The following SEMA3D variants were observed in gnomAD, a reference collection of about 807,000 sequenced individuals.
SEMA3D encodes semaphorin 3D, also known as semaphorin-3D.
Under a neutral mutation model 100.1 loss-of-function variants are expected in SEMA3D, and 84 were observed. That is an observed-to-expected ratio of 0.84 (90% confidence interval 0.70 to 1.01). The LOEUF is 1.01. Ranked by LOEUF, SEMA3D falls within the 50% of genes least tolerant of loss-of-function variation. The probability of loss-of-function intolerance (pLI) is 0.00; values close to 1 mark genes in which losing one functional copy is unlikely to be tolerated. For synonymous variants in SEMA3D, 312 were observed against 320.7 expected (o/e 0.97, Z 0.29); for missense variants, 875 against 934.1 (o/e 0.94, Z 0.82).
the SEMA3D span, among the ~76,000 whole-genome samples, chr7:85,228,127 C>G: frequency 6.6e-6 from 1 of 152,126 alleles, no homozygotes; most frequent in Non-Finnish European, 1.5e-5. Context: ...ACACATCTCT[C>G]TTAAAACTGT....
chr7:85,039,309 G>A (rs553951445), intron 11 of SEMA3D, among the ~76,000 whole-genome samples: 5 of 152,166 alleles, frequency 3.3e-5, no homozygotes, highest in East Asian at 1.9e-4. Flanking sequence ...TCTTGTTGCC[G>A]GGGCTGGAGT....
chr7:85,231,006 A>G, the SEMA3D span, among the ~76,000 whole-genome samples: 1 of 152,220 alleles, frequency 6.6e-6, no homozygotes. Context: ...GTAATAGTTT[A>G]CACTTTCTTG....
intron 8 of SEMA3D, among the ~76,000 whole-genome samples, chr7:85,062,530 G>A (rs73377866): frequency 0.085 from 12,976 of 152,102 alleles, 1,833 homozygotes; most frequent in African/African-American, 0.29. Flanking sequence ...GATGAAGTTA[G>A]GAAAGTTAAA....
chr7:85,086,749 A>C (rs912167927), intron 4 of SEMA3D, among the ~76,000 whole-genome samples: 1 of 151,772 alleles, frequency 6.6e-6, no homozygotes, highest in Non-Finnish European at 1.5e-5. Flanking sequence ...AGAGATGTCA[A>C]CTATAGGGTC....
chr7:85,033,211 C>CTA (rs1380801146), intron 12 of SEMA3D, among the ~76,000 whole-genome samples: 1 of 152,084 alleles, frequency 6.6e-6, no homozygotes, highest in African/African-American at 2.4e-5. Context: ...AGCATAAAGA[C>CTA]TATATTCTGA....
chr7:85,057,710 A>C (rs1583879905), intron 8 of SEMA3D, among the ~76,000 whole-genome samples: 1 of 152,256 alleles, frequency 6.6e-6, no homozygotes, highest in Admixed American at 6.5e-5. Flanking sequence ...AGGCGGGTGG[A>C]TCACTTGAGG....
chr7:85,241,766 C>T, the SEMA3D span, among the ~76,000 whole-genome samples: 5 of 151,514 alleles, frequency 3.3e-5, no homozygotes, highest in South Asian at 4.2e-4. Context: ...CACAAAATCA[C>T]CACCAAATAA....
At chr7:85,070,942 G>A (rs1262957097) in intron 6 of SEMA3D, among the ~76,000 whole-genome samples, 1 of 152,032 alleles carries the variant, frequency 6.6e-6, no homozygotes, top group Admixed American at 6.5e-5. Context: ...CACCACGCTC[G>A]GCTACATTTG....
the SEMA3D span, among the ~76,000 whole-genome samples, chr7:85,211,364 T>C: frequency 2.0e-5 from 3 of 152,034 alleles, no homozygotes; most frequent in Admixed American, 1.3e-4. Flanking sequence ...CTTTTGTTGA[T>C]ATGTATTTTA....
intron 18 of SEMA3D, among the ~76,000 whole-genome samples, chr7:85,005,704 G>T (rs1274444325): frequency 6.6e-6 from 1 of 151,880 alleles, no homozygotes; most frequent in East Asian, 1.9e-4. Context: ...GAGGGACTGT[G>T]CATTGTAGGA....
intron 18 of SEMA3D, among the ~76,000 whole-genome samples, chr7:85,006,579 T>TA (rs1789801275): frequency 6.6e-6 from 1 of 152,068 alleles, no homozygotes; most frequent in East Asian, 1.9e-4. Flanking sequence ...TAAATTTCTT[T>TA]AAAAAAATCA....
chr7:85,235,606 T>C, the SEMA3D span, among the ~76,000 whole-genome samples: 13 of 152,296 alleles, frequency 8.5e-5, no homozygotes, highest in African/African-American at 1.9e-4. Context: ...TTGGAGCTAA[T>C]TGAAATGGTA....
chr7:85,022,312 A>C (rs1292184405), intron 13 of SEMA3D, 79 bp downstream of exon 13: 2 of 924,588 alleles, frequency 2.2e-6, no homozygotes, highest in Non-Finnish European at 3.5e-6. Context: ...TGACCAATAA[A>C]TATTTTTGAA....
Position 84,999,799 on chromosome 7 carries a change from C to A in SEMA3D, c.1975G>T (p.Asp659Tyr), listed in dbSNP as rs1377574652. ...GLLIRSLQKK[D>Y]SGMYYCKAQE... Reference sequence around the variant, plus strand: ...GCTTTGCAGTAATACATCCCAGAATCCTTCTTCTGCAAACTTCGAATCAGT... The same window carrying A: ...GCTTTGCAGTAATACATCCCAGAATACTTCTTCTGCAAACTTCGAATCAGT... Residue 659 changes from aspartate (D) to tyrosine (Y), a missense_variant, in exon 19 of 19, where the codon GAT becomes TAT. Transcript: ENST00000284136. 2 of 1,613,888 alleles carry A rather than the reference C, an allele frequency of 1.2e-6. No homozygotes were observed. The highest frequency in any genetic ancestry group is 4.5e-5 in the East Asian group (2 of 44,872).
At chr7:85,165,154 A>ATG (rs1402126032) in intron 1 of SEMA3D, among the ~76,000 whole-genome samples, 2 of 152,038 alleles carry the variant, frequency 1.3e-5, no homozygotes, top group Non-Finnish European at 2.9e-5. Flanking sequence ...AACATGGCAC[A>ATG]TGTATACATG....
the SEMA3D span, among the ~76,000 whole-genome samples, chr7:85,249,599 T>C: frequency 1.3e-5 from 2 of 152,192 alleles, no homozygotes; most frequent in African/African-American, 4.8e-5. Context: ...TAACTGATGA[T>C]CAATTAAAAA....
Position 84,995,958 on chromosome 7 carries a change from T to C in SEMA3D, c.*3482A>G, listed in dbSNP as rs893994164. ...TACTATGATAAAAATACATCTCCTA[T>C]AAAAACACTTCAAATATCTTTTTTT... On this transcript the variant is annotated 3_prime_UTR_variant, in exon 19 of 19. Transcript: ENST00000284136. 6.6e-6 allele frequency: 1 copy of C among 151,740 alleles called. No individual in the cohort carries two copies. Among genetic ancestry groups the C allele is most frequent in the African/African-American group, 2.4e-5 (1 of 41,366 alleles). The allele number at this position is 151,740 out of a possible 1,614,324, so 9.4% of individuals were successfully genotyped here.
At chr7:85,142,524 A>G in intron 2 of SEMA3D, 1 of 983,620 alleles carries the variant, frequency 1.0e-6, no homozygotes, top group Non-Finnish European at 1.2e-6. Context: ...TCTCCATGGT[A>G]ATATGGTATT....
rs997342844 is a variant in SEMA3D at position 85,097,878 on chromosome 7, C to T, written c.239G>A (p.Gly80Asp). The change falls in exon 4 of 19, where the codon GGC becomes GAC. Residue 80 changes from glycine (G) to aspartate (D), a missense_variant. Gly to Asp is a moderately conservative substitution (Grantham distance 94). Coordinates refer to ENST00000284136, the MANE Select transcript of SEMA3D (RefSeq NM_001384900.1). ...GTCTTTGGCTCCCAAGAGCAGCCTG[C>T]CTCTTTCCTCATCTAAGAGAAGAGT... ...FQTLLLDEER[G>D]RLLLGAKDHI... 1.9e-6 allele frequency: 3 copies of T among 1,608,934 alleles called. No homozygotes were observed. The African/African-American group carries it at 4.0e-5, about 22-fold the overall frequency.
Sources: allele counts gnomAD v4.1 joint callset (sites outside exome capture counted in the v4.1 genomes callset), GRCh38; gene constraint gnomAD v4.1.1; transcripts MANE v1.5; gene names NCBI Gene and HGNC (gene_info 2026-07-23, HGNC 2026-07-21).